Variants in RAB7B observed in about 807,000 individuals in gnomAD.
RAB7B encodes ras-related protein Rab-7b.
chr1:205,988,360 T>A (rs1046005853), intron 4 of RAB7B, among the ~76,000 whole-genome samples: 1 of 151,712 alleles, frequency 6.6e-6, no homozygotes, highest in Non-Finnish European at 1.5e-5. Context: ...TTCCGAGTAG[T>A]TCAGACTACA....
rs1660396568 is a variant in RAB7B at position 205,977,206 on chromosome 1, C to T, written c.*1645G>A. 1.3e-5 allele frequency: 2 copies of T among 152,184 alleles called. No homozygotes were observed. The highest frequency in any genetic ancestry group is 6.5e-5 in the Admixed American group (1 of 15,278). 9.4% of individuals were successfully genotyped at this position (152,184 alleles called of 1,614,324 possible). On this transcript the variant is annotated 3_prime_UTR_variant, in exon 6 of 6. Coordinates refer to ENST00000617070, the MANE Select transcript of RAB7B (RefSeq NM_001164522.3). ...TGGGCATGGACTTGGCCATTGAAGA[C>T]CCTGAGAGGACATCTTGTCCACCCT...
intron 1 of RAB7B, among the ~76,000 whole-genome samples, chr1:206,000,577 C>T (rs1660876587): frequency 6.6e-6 from 1 of 152,212 alleles, no homozygotes; most frequent in African/African-American, 2.4e-5. Flanking sequence ...CTGTGGCTTC[C>T]TCTGCAGGTG....
Position 205,978,026 on chromosome 1 carries a change from CA to C in RAB7B, c.*824del, listed in dbSNP as rs1660416506. The C allele has an allele frequency of 6.6e-6, 1 of 152,206 alleles. No homozygotes were observed. Among genetic ancestry groups the C allele is most frequent in the Non-Finnish European group, 1.5e-5 (1 of 68,064 alleles). The allele number at this position is 152,206 out of a possible 1,614,324, so 9.4% of individuals were successfully genotyped here. ...CTGTGTTTTGTTTGTCACTGGACTT[CA>C]ATGCATCGTACATAGTAGATACGCA... On this transcript the variant is annotated 3_prime_UTR_variant, in exon 6 of 6. Transcript: ENST00000617070.
chr1:205,997,910 G>A (rs1660829735), intron 1 of RAB7B, among the ~76,000 whole-genome samples: 1 of 152,200 alleles, frequency 6.6e-6, no homozygotes, highest in South Asian at 2.1e-4. Flanking sequence ...CTGAGCCCCT[G>A]CAGTGGGCTG....
At position 205,977,700 on chromosome 1, in the gene RAB7B, T is replaced by C. The variant is rs1018576067; in HGVS notation, c.*1151A>G. The C allele has an allele frequency of 1.3e-5, 2 of 152,228 alleles. No individual in the cohort carries two copies. The highest frequency in any genetic ancestry group is 6.5e-5 in the Admixed American group (1 of 15,280). 9.4% of individuals were successfully genotyped at this position (152,228 alleles called of 1,614,324 possible). ...ATGTCCTTTCACTGTTCCTGGAACA[T>C]GGCAAGCTTGTTTTTGCCTCAGGGC... On this transcript the variant is annotated 3_prime_UTR_variant, in exon 6 of 6. Coordinates refer to ENST00000617070, the MANE Select transcript of RAB7B (RefSeq NM_001164522.3).
intron 4 of RAB7B, among the ~76,000 whole-genome samples, chr1:205,990,526 A>C (rs1660703355): frequency 6.6e-6 from 1 of 152,110 alleles, no homozygotes; most frequent in Non-Finnish European, 1.5e-5. Context: ...GGACATGTGG[A>C]TTCAACAGAG....
chr1:206,001,002 C>T (rs1232437589), intron 1 of RAB7B, among the ~76,000 whole-genome samples: 2 of 152,216 alleles, frequency 1.3e-5, no homozygotes, highest in Admixed American at 6.5e-5. Flanking sequence ...TGGTTCCTTT[C>T]CCCTAGATGC....
intron 3 of RAB7B, 83 bp from the exon 4 acceptor site, chr1:205,992,778 C>G (rs1660748020): frequency 2.5e-6 from 1 of 398,148 alleles, no homozygotes; most frequent in Non-Finnish European, 4.4e-6. Context: ...GTCAAGGCTT[C>G]TTTTGCTGGG....
chr1:205,990,021 C>T (rs1269020593), intron 4 of RAB7B, among the ~76,000 whole-genome samples: 1 of 152,140 alleles, frequency 6.6e-6, no homozygotes, highest in Non-Finnish European at 1.5e-5. Context: ...TCTTGAACTC[C>T]CCCAGCTTCC....
chr1:205,982,038 A>T (rs1660503081), intron 5 of RAB7B, among the ~76,000 whole-genome samples: 1 of 152,224 alleles, frequency 6.6e-6, no homozygotes, highest in African/African-American at 2.4e-5. Context: ...CAGTATGTTA[A>T]CTGAACACCT....
intron 1 of RAB7B, among the ~76,000 whole-genome samples, chr1:205,995,250 A>T (rs1426901906): frequency 6.6e-6 from 1 of 152,184 alleles, no homozygotes; most frequent in Non-Finnish European, 1.5e-5. Flanking sequence ...TAGAACTTAA[A>T]GTATAATAAT....
intron 1 of RAB7B, among the ~76,000 whole-genome samples, chr1:205,997,666 C>T (rs1218446598): frequency 6.6e-6 from 1 of 152,180 alleles, no homozygotes; most frequent in Non-Finnish European, 1.5e-5. Context: ...GTAATGGATG[C>T]TGCTGTCCAC....
At chr1:205,992,929 T>C (rs1326231781) in intron 3 of RAB7B, among the ~76,000 whole-genome samples, 1 of 152,240 alleles carries the variant, frequency 6.6e-6, no homozygotes, top group Non-Finnish European at 1.5e-5. Flanking sequence ...GCTCTCATTT[T>C]TCCTCTGGGT....
chr1:205,998,143 C>T (rs1660834695), intron 1 of RAB7B, among the ~76,000 whole-genome samples: 1 of 152,154 alleles, frequency 6.6e-6, no homozygotes, highest in Non-Finnish European at 1.5e-5. Flanking sequence ...ATCATGAGGT[C>T]AGGAGTTCGA....
chr1:205,999,898 G>A (rs1660865137), intron 1 of RAB7B, among the ~76,000 whole-genome samples: 1 of 152,188 alleles, frequency 6.6e-6, no homozygotes. Flanking sequence ...CTCCCAGGTA[G>A]CTGGGACTAC....
intron 1 of RAB7B, among the ~76,000 whole-genome samples, chr1:206,001,348 G>A (rs991355810): frequency 7.2e-5 from 11 of 151,950 alleles, no homozygotes; most frequent in Admixed American, 3.9e-4. Context: ...TTAAAGAAGC[G>A]TAGGACTATA....
intron 5 of RAB7B, among the ~76,000 whole-genome samples, chr1:205,979,876 G>A (rs1660456850): frequency 6.6e-6 from 1 of 152,284 alleles, no homozygotes; most frequent in East Asian, 1.9e-4. Context: ...CAACTTCCAG[G>A]GACAGGGGTG....
At chr1:205,989,134 T>C (rs1053537664) in intron 4 of RAB7B, among the ~76,000 whole-genome samples, 67 of 151,302 alleles carry the variant, frequency 4.4e-4, no homozygotes, top group African/African-American at 1.6e-3. Flanking sequence ...CTCCATCCTC[T>C]CCTCCATCCT....
At chr1:205,990,309 A>G (rs1352911141) in intron 4 of RAB7B, among the ~76,000 whole-genome samples, 1 of 152,226 alleles carries the variant, frequency 6.6e-6, no homozygotes, top group Non-Finnish European at 1.5e-5. Context: ...GGAACAGTTA[A>G]GGACTCATCT....
Sources: gnomAD v4.1 joint callset for allele counts (sites outside exome capture counted in the v4.1 genomes callset) on GRCh38, gnomAD v4.1.1 for gene constraint, MANE v1.5 for transcripts, NCBI Gene and HGNC (gene_info 2026-07-23, HGNC 2026-07-21) for gene names.